GYS2: variants seen among roughly 807,000 people sequenced by gnomAD.
GYS2 encodes the protein glycogen [starch] synthase, liver.
In GYS2, 80 loss-of-function variants were observed where a neutral mutation model predicts 85.6. The observed-to-expected ratio is 0.93, with a 90% confidence interval of 0.78 to 1.13. The LOEUF (loss-of-function observed/expected upper bound fraction) is 1.13. Ranked by LOEUF, GYS2 falls within the 50% of genes most tolerant of loss-of-function variation. The probability of loss-of-function intolerance (pLI) is 0.00; values close to 1 mark genes in which losing one functional copy is unlikely to be tolerated. For missense variants in GYS2, 881 were observed against 854.9 expected (o/e 1.03, Z -0.38); for synonymous variants, 328 against 300.7 (o/e 1.09, Z -0.94).
intron 1 of GYS2, among the ~76,000 whole-genome samples, chr12:21,591,004 AT>A (rs1944632493): frequency 6.6e-6 from 1 of 152,212 alleles, no homozygotes; most frequent in Admixed American, 6.5e-5. Context: ...ACAAAAACAA[AT>A]TTACAAAACT....
chr12:21,539,921 T>C (rs1230740238), intron 14 of GYS2, among the ~76,000 whole-genome samples: 1 of 152,222 alleles, frequency 6.6e-6, no homozygotes. Flanking sequence ...TATTATTAAA[T>C]CACCACTGCT....
Position 21,604,463 on chromosome 12 carries a change from A to C in GYS2, c.121+9T>G. 6.4e-7 allele frequency: 1 copy of C among 1,552,460 alleles called. No homozygotes were observed. The highest frequency in any genetic ancestry group is 8.9e-7 in the Non-Finnish European group (1 of 1,124,222). On this transcript the variant is annotated intron_variant, in intron 1 of 15. Transcript: ENST00000261195. Reference sequence around the variant, plus strand: ...GGTGTACTGATCCACCTTCAGGAGCAGTACAAACCTTTATTGGTCACTTCC... The same window carrying C: ...GGTGTACTGATCCACCTTCAGGAGCCGTACAAACCTTTATTGGTCACTTCC...
At position 21,545,661 on chromosome 12, in the gene GYS2, A is replaced by G. The variant is rs1437985191; in HGVS notation, c.1549+683T>C. Among the ~76,000 whole-genome samples the G allele has an allele frequency of 2.0e-5, 3 of 152,234 alleles. No individual in the cohort carries two copies. The East Asian group carries it at 5.8e-4, about 29-fold the overall frequency. ...CCAGTTCGGTCCAGAAAAGAAAAAT[A>G]CATAGTAAACCTGAGAAACTACCAT... is the stretch of plus-strand genomic sequence containing the variant. On this transcript the variant is annotated intron_variant, in intron 12 of 15. Transcript: ENST00000261195.
chr12:21,562,990 C>T lies in GYS2; in HGVS notation c.990G>A (p.Gly330=). The T allele has an allele frequency of 6.2e-7, 1 of 1,613,132 alleles. No individual in the cohort carries two copies. Among genetic ancestry groups the T allele is most frequent in the Non-Finnish European group, 8.5e-7 (1 of 1,179,270 alleles). The change falls in exon 7 of 16, where the codon GGG becomes GGA. Residue 330 remains glycine (G), a synonymous_variant. Coordinates refer to ENST00000261195, the MANE Select transcript of GYS2 (RefSeq NM_021957.4). The part of the protein sequence containing the change: ...LEKTLFLFIA[G]RYEFSNKGAD... ...CTCCTTTGTTTGAAAACTCATACCT[C>T]CCAGCAATGAAAAGGAACAAAGTCT... is the stretch of plus-strand genomic sequence containing the variant.
chr12:21,563,554 T>C (rs545666500), intron 5 of GYS2, among the ~76,000 whole-genome samples: 1 of 152,176 alleles, frequency 6.6e-6, no homozygotes, highest in Admixed American at 6.5e-5. Flanking sequence ...AAATAGGAAA[T>C]CAGAAATGCC....
intron 1 of GYS2, among the ~76,000 whole-genome samples, chr12:21,600,023 T>C (rs372547934): frequency 3.9e-5 from 6 of 152,156 alleles, no homozygotes; most frequent in African/African-American, 1.4e-4. Context: ...ACCCAGGTGA[T>C]GGTGGAGTTG....
rs776212092 is a variant in GYS2 at position 21,558,201 on chromosome 12, T to C, written c.1421A>G (p.Lys474Arg). ...CGCCACATGAACAATTTGTTCTACC[T>C]TGACTCTATCTGTGCGGTTGTTGAA... Reference protein sequence around the residue: ...GLFNNRTDRVKVILHPEFLSS... With the variant: ...GLFNNRTDRVRVILHPEFLSS... Residue 474 changes from lysine (K) to arginine (R), a missense_variant and splice_region_variant, in exon 11 of 16, where the codon AAG becomes AGG. Physicochemically the swap from Lys to Arg is conservative, Grantham distance 26. Transcript: ENST00000261195. The C allele has an allele frequency of 1.9e-6, 3 of 1,572,714 alleles. No homozygotes were observed. The South Asian group carries it at 3.3e-5, about 17-fold the overall frequency.
rs563426479 is a variant in GYS2 at position 21,547,407 on chromosome 12, G to GT, written c.1423-938dup. 3.3e-5 allele frequency among the ~76,000 whole-genome samples: 5 copies of GT among 152,134 alleles called. No homozygotes were observed. In the East Asian group the frequency reaches 9.7e-4, roughly 29 times the overall value. On this transcript the variant is annotated intron_variant, in intron 11 of 15. Transcript: ENST00000261195. Reference sequence around the variant, plus strand: ...TAGGTGAATGAATACATAAATTGTGGTACATCCAGACAATGGAATATTATT... The same window carrying GT: ...TAGGTGAATGAATACATAAATTGTGGTTACATCCAGACAATGGAATATTATT...
downstream of GYS2, among the ~76,000 whole-genome samples, chr12:21,535,890 C>T (rs1272480380): frequency 6.6e-6 from 1 of 152,164 alleles, no homozygotes; most frequent in Non-Finnish European, 1.5e-5. Context: ...CTTAATTACA[C>T]TTAAAACATA....
At chr12:21,547,192 C>G (rs927864302) in intron 11 of GYS2, among the ~76,000 whole-genome samples, 1 of 152,076 alleles carries the variant, frequency 6.6e-6, no homozygotes, top group African/African-American at 2.4e-5. Context: ...CAGTGGTATG[C>G]TGGTAAATAT....
chr12:21,567,925 T>C (rs1020807465), intron 5 of GYS2, among the ~76,000 whole-genome samples: 3 of 151,866 alleles, frequency 2.0e-5, no homozygotes, highest in African/African-American at 7.3e-5. Context: ...ATACAAAAAT[T>C]AGCTGGGCGT....
chr12:21,537,429 C>G (rs1943922935), intron 15 of GYS2: 1 of 499,400 alleles, frequency 2.0e-6, no homozygotes, highest in Admixed American at 3.4e-5. Context: ...TATCTTTTAA[C>G]AACACTCTGA....
intron 11 of GYS2, among the ~76,000 whole-genome samples, chr12:21,553,136 A>G (rs781472581): frequency 6.6e-6 from 1 of 152,184 alleles, no homozygotes; most frequent in Non-Finnish European, 1.5e-5. Flanking sequence ...TGCATCCTCA[A>G]ACTCCTGGCC....
chr12:21,548,704 G>A (rs1944071025), intron 11 of GYS2, among the ~76,000 whole-genome samples: 1 of 152,020 alleles, frequency 6.6e-6, no homozygotes, highest in Non-Finnish European at 1.5e-5. Flanking sequence ...CAATTTTGCT[G>A]TGAACCTAAA....
intron 4 of GYS2, 42 bp from the exon 5 acceptor site, chr12:21,569,051 C>T: frequency 6.2e-7 from 1 of 1,601,764 alleles, no homozygotes. Context: ...CTAACAATGG[C>T]CCTTCTACAC....
At chr12:21,546,311 C>A in intron 12 of GYS2, 33 bp downstream of exon 12, 4 of 1,504,316 alleles carry the variant, frequency 2.7e-6, no homozygotes, top group South Asian at 1.2e-5. Flanking sequence ...TAACAAAATT[C>A]AAAACATTCC....
At position 21,574,300 on chromosome 12, in the gene GYS2, A is replaced by G. The variant is rs763671258; in HGVS notation, c.522T>C (p.Tyr174=). Residue 174 remains tyrosine (Y), a synonymous_variant, in exon 4 of 16, where the codon TAT becomes TAC. Coordinates refer to ENST00000261195, the MANE Select transcript of GYS2 (RefSeq NM_021957.4). ...GCCATTCATGGAATTGGGCAACGAC[A>G]TATTTACCATCTGCATGATCTGTCA... ...KEVTDHADGK[Y]VVAQFHEWQA... is the part of the protein sequence containing the mutation. The G allele has an allele frequency of 2.2e-5, 36 of 1,613,752 alleles. No individual in the cohort carries two copies. The South Asian group carries it at 3.7e-4, about 17-fold the overall frequency.
chr12:21,558,313 G>A lies in GYS2; in HGVS notation c.1309C>T (p.Arg437Ter). 1.3e-6 allele frequency: 2 copies of A among 1,582,494 alleles called. No homozygotes were observed. Among genetic ancestry groups the A allele is most frequent in the Non-Finnish European group, 1.7e-6 (2 of 1,151,100 alleles). The change falls in exon 11 of 16, where the codon CGA (arginine) becomes TGA (stop). Residue 437 changes from arginine (R) to a stop codon, truncating the protein, a stop_gained and splice_region_variant. Transcript: ENST00000261195. LOFTEE classifies it high-confidence loss of function. ...GTGGTCACTGGGGGCAATGACTGTCGCTGAAGTATGAGAGGGAAGGAAATA... is the reference window on the plus strand; with the variant it reads ...GTGGTCACTGGGGGCAATGACTGTCACTGAAGTATGAGAGGGAAGGAAATA... ...IMKRAIFSTQRQSLPPVTTHN... is the reference protein window; with the variant it reads ...IMKRAIFSTQ
In GYS2 at chr12:21,542,599, G is replaced by A. The variant is rs1175838897; in HGVS notation, c.1550-8C>T. 3.1e-6 allele frequency: 5 copies of A among 1,598,078 alleles called. No homozygotes were observed. The South Asian group carries it at 5.5e-5, about 18-fold the overall frequency. On this transcript the variant is annotated splice_polypyrimidine_tract_variant and splice_region_variant and intron_variant, in intron 12 of 15. Coordinates refer to ENST00000261195, the MANE Select transcript of GYS2 (RefSeq NM_021957.4). Reference sequence around the variant, plus strand: ...CCATCACAGTGCATTCAGCTGCCAGGGGAAATAGACCAAAGCTTGGCTTCA... The same window carrying A: ...CCATCACAGTGCATTCAGCTGCCAGAGGAAATAGACCAAAGCTTGGCTTCA...
Sources: gnomAD v4.1 joint callset for allele counts (sites outside exome capture counted in the v4.1 genomes callset) on GRCh38, gnomAD v4.1.1 for gene constraint, MANE v1.5 for transcripts, NCBI Gene and HGNC (gene_info 2026-07-23, HGNC 2026-07-21) for gene names.